The following RNF216 variants were observed in gnomAD, a reference collection of about 807,000 sequenced individuals.
RNF216 encodes ring finger protein 216, also known as E3 ubiquitin-protein ligase RNF216.
Under a neutral mutation model 110.8 loss-of-function variants are expected in RNF216, and 72 were observed. The observed-to-expected ratio is 0.65, with a 90% CI of 0.54 to 0.79. The LOEUF (loss-of-function observed/expected upper bound fraction) is 0.79, where lower values mean the gene tolerates loss of function less well. RNF216 is among the 30% of genes least tolerant of loss of function. The pLI, the probability that RNF216 is intolerant of heterozygous loss-of-function variation, is 0.00. For synonymous variants in RNF216, 495 were observed against 407.5 expected (o/e 1.21, Z -2.59); for missense variants, 1,342 against 1,141.2 (o/e 1.18, Z -2.54).
intron 2 of RNF216, 48 bp downstream of exon 2, chr7:5,760,955 A>AC (rs1795900239): frequency 6.9e-7 from 1 of 1,443,930 alleles, no homozygotes; most frequent in African/African-American, 1.4e-5. Context: ...TGTGATACTA[A>AC]AAGAAAAAGC....
rs1786598438 is a variant in RNF216, at chr7:5,624,674, C to T, written c.2383-549G>A. ...GGAAGGTGCGACAGTGAGGATGGTC[C>T]CCCTCGGACCTTGCCGTCTCTTCTC... On this transcript the variant is annotated intron_variant, in intron 15 of 16. Transcript: ENST00000389902. The surrounding 1 kb of genome is among the most constrained non-coding windows in gnomAD (Gnocchi z 4.4). Among the ~76,000 whole-genome samples the T allele has an allele frequency of 6.6e-6, 1 of 152,216 alleles. No homozygotes were observed. The highest frequency in any genetic ancestry group is 2.4e-5 in the African/African-American group (1 of 41,450).
At chr7:5,630,256 A>T (rs1027110246) in intron 15 of RNF216, among the ~76,000 whole-genome samples, 1 of 152,156 alleles carries the variant, frequency 6.6e-6, no homozygotes, top group Non-Finnish European at 1.5e-5. Context: ...TGCTGGCGTC[A>T]CGGGAAGAAC....
In RNF216 at chr7:5,760,999, T is replaced by C. The variant is rs1343503700; in HGVS notation, c.67+4A>G. The C allele has an allele frequency of 1.9e-6, 3 of 1,569,850 alleles. No individual in the cohort carries two copies. The highest frequency in any genetic ancestry group is 2.6e-6 in the Non-Finnish European group (3 of 1,157,084). On this transcript the variant is annotated splice_donor_region_variant and intron_variant, in intron 2 of 16. Transcript: ENST00000389902. ...AAGGGATGAAGTGAGAACAAACAAC[T>C]TACCTTGTCCCCGATGGCAGTGAAA...
intron 13 of RNF216, among the ~76,000 whole-genome samples, chr7:5,710,453 C>T (rs1004592539): frequency 6.6e-6 from 1 of 152,070 alleles, no homozygotes; most frequent in South Asian, 2.1e-4. Flanking sequence ...TAAGCACTTT[C>T]ACTGGCAGAC....
At chr7:5,766,227 T>C (rs1796201336) in intron 1 of RNF216, among the ~76,000 whole-genome samples, 1 of 151,966 alleles carries the variant, frequency 6.6e-6, no homozygotes, top group Admixed American at 6.6e-5. Context: ...GAGTTTGATG[T>C]TGCAGTGAGC....
chr7:5,744,379 A>G (rs894545824), intron 3 of RNF216, among the ~76,000 whole-genome samples: 5 of 152,194 alleles, frequency 3.3e-5, no homozygotes, highest in African/African-American at 1.2e-4. Context: ...CGTCAAGAAC[A>G]AAAAGGTCTT....
intron 3 of RNF216, among the ~76,000 whole-genome samples, chr7:5,746,300 G>C (rs1025178132): frequency 2.0e-5 from 3 of 152,176 alleles, no homozygotes; most frequent in African/African-American, 7.2e-5. Flanking sequence ...GGACTTTTGG[G>C]AATGTGGGGG....
At chr7:5,682,119 C>T (rs768674925) in intron 13 of RNF216, among the ~76,000 whole-genome samples, 2 of 152,220 alleles carry the variant, frequency 1.3e-5, no homozygotes, top group African/African-American at 2.4e-5. Context: ...TGAGGCCATG[C>T]GGGCCCACGC....
chr7:5,728,549 G>A (rs934518324), intron 7 of RNF216, among the ~76,000 whole-genome samples: 2 of 151,756 alleles, frequency 1.3e-5, no homozygotes, highest in African/African-American at 4.8e-5. Flanking sequence ...ACTCCAGCCT[G>A]GGCAACAGAG....
At chr7:5,632,269 C>G (rs1254114573) in intron 15 of RNF216, among the ~76,000 whole-genome samples, 3 of 152,236 alleles carry the variant, frequency 2.0e-5, no homozygotes, top group Non-Finnish European at 2.9e-5. Flanking sequence ...GGTGCATCCC[C>G]TCGAGGGCTG....
intron 14 of RNF216, among the ~76,000 whole-genome samples, chr7:5,644,191 T>A (rs576135016): frequency 7.6e-4 from 116 of 152,300 alleles, no homozygotes; most frequent in Admixed American, 2.1e-3. Context: ...TTATGTTGGG[T>A]GAGTACCTGA....
At chr7:5,630,743 T>G (rs1386794612) in intron 15 of RNF216, among the ~76,000 whole-genome samples, 4 of 152,132 alleles carry the variant, frequency 2.6e-5, no homozygotes, top group Non-Finnish European at 4.4e-5. Flanking sequence ...GTAGTTAACA[T>G]GCACTGAGAG....
At chr7:5,671,330 G>A (rs915747604) in intron 13 of RNF216, among the ~76,000 whole-genome samples, 1 of 152,160 alleles carries the variant, frequency 6.6e-6, no homozygotes, top group Non-Finnish European at 1.5e-5. Flanking sequence ...GTGCTAAAAA[G>A]ACACATCATT....
intron 13 of RNF216, among the ~76,000 whole-genome samples, chr7:5,684,678 AC>A (rs1275587139): frequency 6.6e-6 from 1 of 152,188 alleles, no homozygotes; most frequent in Non-Finnish European, 1.5e-5. Flanking sequence ...AGAAAAAGGA[AC>A]TTGACTGATA....
At chr7:5,729,645 C>CCTGT (rs1793970913) in intron 6 of RNF216, 49 bp from the exon 7 acceptor site, 4 of 1,450,734 alleles carry the variant, frequency 2.8e-6, no homozygotes, top group Non-Finnish European at 3.8e-6. Context: ...GTACATTTCC[C>CCTGT]ATACAGGGGA....
chr7:5,752,544 GGGATAATAT>G (rs1165326919), intron 3 of RNF216, among the ~76,000 whole-genome samples: 4 of 152,222 alleles, frequency 2.6e-5, no homozygotes, highest in Middle Eastern at 3.4e-3. Flanking sequence ...GAAAAAATGT[GGGATAATAT>G]GGAAAATATA....
intron 15 of RNF216, among the ~76,000 whole-genome samples, chr7:5,628,135 C>G (rs1474862424): frequency 6.6e-6 from 1 of 152,172 alleles, no homozygotes; most frequent in African/African-American, 2.4e-5. Context: ...CGCATCCTCA[C>G]CCTCCGAAGA....
chr7:5,690,919 G>C (rs938947003), intron 13 of RNF216, among the ~76,000 whole-genome samples: 1 of 152,170 alleles, frequency 6.6e-6, no homozygotes, highest in African/African-American at 2.4e-5. Context: ...GGGGGCTGAA[G>C]ACAACCTACA....
At chr7:5,636,027 T>C (rs1246409463) in intron 15 of RNF216, among the ~76,000 whole-genome samples, 1 of 152,224 alleles carries the variant, frequency 6.6e-6, no homozygotes, top group Non-Finnish European at 1.5e-5. Context: ...CTTTGTTTTG[T>C]ATTGAAAGAG....
Sources: allele counts gnomAD v4.1 joint callset (sites outside exome capture counted in the v4.1 genomes callset), GRCh38; gene constraint gnomAD v4.1.1; non-coding constraint Gnocchi (gnomAD v3.1); transcripts MANE v1.5; gene names NCBI Gene and HGNC (gene_info 2026-07-23, HGNC 2026-07-21).